The following DSG1 variants were observed in gnomAD, a reference collection of about 807,000 sequenced individuals.
DSG1 encodes desmoglein-1.
In DSG1, 39 loss-of-function variants were observed where a neutral mutation model predicts 97.5. The observed-to-expected ratio is 0.40, with a 90% CI of 0.31 to 0.52. DSG1 has a LOEUF of 0.52. DSG1 is among the 20% of genes least tolerant of loss of function. The pLI is 0.53. For synonymous variants in DSG1, 475 were observed against 443.4 expected (o/e 1.07, Z -0.90); for missense variants, 1,311 against 1,295.4 (o/e 1.01, Z -0.18).
intron 3 of DSG1, 116 bp from the exon 4 acceptor site, chr18:31,328,073 A>G (rs2071697382): frequency 9.6e-7 from 1 of 1,041,888 alleles, no homozygotes; most frequent in Non-Finnish European, 1.4e-6. Flanking sequence ...CTCCATTGAC[A>G]ACATTTCCTA....
chr18:31,336,299 C>T (rs2071751816), intron 8 of DSG1, 55 bp from the exon 9 acceptor site: 2 of 1,522,892 alleles, frequency 1.3e-6, no homozygotes, highest in Non-Finnish European at 1.8e-6. Context: ...GATTTTCTTT[C>T]ACCTGGAACG....
chr18:31,352,335 A>G (rs2071904882), intron 14 of DSG1, among the ~76,000 whole-genome samples: 2 of 151,306 alleles, frequency 1.3e-5, no homozygotes, highest in Non-Finnish European at 2.9e-5. Context: ...CTGCTGAGAG[A>G]TCTGCTGTTA....
chr18:31,357,229 T>G lies in DSG1; in HGVS notation c.*1883T>G, dbSNP rs10502569. 0.094 allele frequency among the ~76,000 whole-genome samples: 14,340 copies of G among 152,052 alleles called. 925 individuals carry two copies. The highest frequency in any genetic ancestry group is 0.19 in the African/African-American group (7,698 of 41,480). ...GCCACAGTATACATCTTCTTTTAAC[T>G]CTGTAGAATATGTAAAATTTTGATA... On this transcript the variant is annotated 3_prime_UTR_variant, in exon 15 of 15. Coordinates refer to ENST00000257192, the MANE Select transcript of DSG1 (RefSeq NM_001942.4).
At chr18:31,342,272 T>C (rs548350170) in intron 11 of DSG1, among the ~76,000 whole-genome samples, 153 of 152,262 alleles carry the variant, frequency 1.0e-3, no homozygotes, top group African/African-American at 3.6e-3. Context: ...CTGGGTACTG[T>C]AGTAAATAAA....
In DSG1 at chr18:31,331,775, A is replaced by G. The variant is rs746709829; in HGVS notation, c.592A>G (p.Ile198Val). 1 of 1,612,966 alleles carries G rather than the reference A, an allele frequency of 6.2e-7. No individual in the cohort carries two copies. Among genetic ancestry groups the G allele is most frequent in the Non-Finnish European group, 8.5e-7 (1 of 1,179,200 alleles). The change falls in exon 6 of 15, where the codon ATT (isoleucine) becomes GTT (valine). Residue 198 changes from isoleucine to valine, a missense_variant. Ile to Val is a conservative substitution (Grantham distance 29). Around this residue, in one of 3 missense-constraint regions of DSG1, gnomAD observed 259 missense variants for 304.1 expected, o/e 0.85. Transcript: ENST00000257192. ...TTTGAACTCAAAAATAGCCTTCAAGATTATAAGACAAGAACCTTCAGATTC... is the reference window on the plus strand; with the variant it reads ...TTTGAACTCAAAAATAGCCTTCAAGGTTATAAGACAAGAACCTTCAGATTC... ...NNLNSKIAFK[I>V]IRQEPSDSPM... is the part of the protein sequence containing the mutation.
chr18:31,325,179 A>T (rs943542148), intron 1 of DSG1, among the ~76,000 whole-genome samples: 5 of 152,136 alleles, frequency 3.3e-5, no homozygotes, highest in African/African-American at 1.2e-4. Context: ...TTAGATTACA[A>T]ATCCAGTTGA....
intron 1 of DSG1, among the ~76,000 whole-genome samples, chr18:31,323,687 A>G (rs2071667542): frequency 6.6e-6 from 1 of 152,036 alleles, no homozygotes; most frequent in African/African-American, 2.4e-5. Context: ...TTTATCACCA[A>G]TGTCTTGAAA....
chr18:31,327,998 T>C (rs1284651007), intron 3 of DSG1, among the ~76,000 whole-genome samples, 191 bp from the exon 4 acceptor site: 1 of 152,188 alleles, frequency 6.6e-6, no homozygotes, highest in Admixed American at 6.5e-5. Flanking sequence ...ATTTCTTTGA[T>C]TACATTGTCA....
chr18:31,319,852 T>C (rs986298059), intron 1 of DSG1, among the ~76,000 whole-genome samples: 1 of 152,124 alleles, frequency 6.6e-6, no homozygotes, highest in Non-Finnish European at 1.5e-5. Context: ...TGTATCATCA[T>C]CAAAATCATA....
intron 1 of DSG1, among the ~76,000 whole-genome samples, chr18:31,325,986 TAA>T (rs1438318759): frequency 2.0e-5 from 3 of 152,062 alleles, no homozygotes; most frequent in Non-Finnish European, 4.4e-5. Context: ...TAACAAATTA[TAA>T]GAGTAATAAC....
intron 9 of DSG1, among the ~76,000 whole-genome samples, chr18:31,337,598 G>A (rs1217795896): frequency 6.6e-6 from 1 of 152,170 alleles, no homozygotes; most frequent in Non-Finnish European, 1.5e-5. Flanking sequence ...TCCTCACATA[G>A]TGTGAGTAGT....
At chr18:31,352,542 C>T (rs1240393377) in intron 14 of DSG1, among the ~76,000 whole-genome samples, 1 of 150,418 alleles carries the variant, frequency 6.6e-6, no homozygotes, top group African/African-American at 2.5e-5. Flanking sequence ...GGAAGTTCTC[C>T]TGGATAATAT....
At position 31,346,691 on chromosome 18, in the gene DSG1, C is replaced by T. The variant is rs1294367187; in HGVS notation, c.2100+493C>T. On this transcript the variant is annotated intron_variant, in intron 14 of 14. Transcript: ENST00000257192. ...CTCCGAAGTTTTTACAGTTAACCCT[C>T]TCATCCAAAATAGGATTAATGTTTT... 2.0e-5 allele frequency among the ~76,000 whole-genome samples: 3 copies of T among 152,296 alleles called. No individual in the cohort carries two copies. In the East Asian group the frequency reaches 5.8e-4, roughly 29 times the overall value.
In DSG1 at chr18:31,354,829, A is replaced by G. The variant is rs1217582572; in HGVS notation, c.2633A>G (p.His878Arg). 1.2e-6 allele frequency: 2 copies of G among 1,614,120 alleles called. No individual in the cohort carries two copies. The highest frequency in any genetic ancestry group is 1.7e-6 in the Non-Finnish European group (2 of 1,180,010). Reference protein sequence around the residue: ...VVGPISGADLHGMLEMPDLRD... With the variant: ...VVGPISGADLRGMLEMPDLRD... ...GGCCCAATCTCTGGCGCTGATTTGC[A>G]TGGAATGTTAGAGATGCCTGACTTG... The change falls in exon 15 of 15, where the codon CAT (histidine) becomes CGT (arginine). Residue 878 changes from histidine (H) to arginine (R), a missense_variant. Physicochemically the swap from His to Arg is conservative, Grantham distance 29 (BLOSUM62 0). Coordinates refer to ENST00000257192, the MANE Select transcript of DSG1 (RefSeq NM_001942.4).
At chr18:31,350,911 A>G (rs1018480731) in intron 14 of DSG1, among the ~76,000 whole-genome samples, 22 of 150,646 alleles carry the variant, frequency 1.5e-4, no homozygotes, top group African/African-American at 5.3e-4. Context: ...GACCCTTTCA[A>G]AAAACCAGTT....
chr18:31,337,166 G>A (rs1283454501), intron 9 of DSG1, among the ~76,000 whole-genome samples: 1 of 152,174 alleles, frequency 6.6e-6, no homozygotes, highest in African/African-American at 2.4e-5. Context: ...ACATGTACCT[G>A]TATTTGCACA....
At chr18:31,333,757 A>T (rs750142736) in intron 7 of DSG1, 34 bp downstream of exon 7, 1 of 1,608,000 alleles carries the variant, frequency 6.2e-7, no homozygotes, top group East Asian at 2.2e-5. Flanking sequence ...ATAAATCTAA[A>T]TTCGCTATAT....
Position 31,355,128 on chromosome 18 carries a change from G to A in DSG1, c.2932G>A (p.Gly978Ser), listed in dbSNP as rs757771928. The change falls in exon 15 of 15, where the codon GGC becomes AGC. Residue 978 changes from glycine to serine, a missense_variant. By Grantham distance (56) the Gly-to-Ser change is moderately conservative. Around this residue, in one of 3 missense-constraint regions of DSG1, gnomAD observed 1,038 missense variants for 964.6 expected, o/e 1.08. Transcript: ENST00000257192. ...GATCAGCGGTGGCATAGGCAGCAGT[G>A]GCCTGGTTGGCACCAGCATGGGTGC... ...TGISGGIGSSGLVGTSMGAGS... is the reference protein window; with the variant it reads ...TGISGGIGSSSLVGTSMGAGS... 24 of 1,613,050 alleles carry A rather than the reference G, an allele frequency of 1.5e-5. No individual in the cohort carries two copies. In the South Asian group the frequency reaches 2.5e-4, roughly 17 times the overall value.
At position 31,355,142 on chromosome 18, in the gene DSG1, C is replaced by T. The variant is rs746367595; in HGVS notation, c.2946C>T (p.Thr982=). 6 of 1,611,610 alleles carry T rather than the reference C, an allele frequency of 3.7e-6. No homozygotes were observed. The African/African-American group carries it at 6.7e-5, about 18-fold the overall frequency. ...GGIGSSGLVG[T]SMGAGSGALS... Reference sequence around the variant, plus strand: ...TAGGCAGCAGTGGCCTGGTTGGCACCAGCATGGGTGCTGGGAGCGGTGCCC... The same window carrying T: ...TAGGCAGCAGTGGCCTGGTTGGCACTAGCATGGGTGCTGGGAGCGGTGCCC... Residue 982 remains threonine (T), a synonymous_variant, in exon 15 of 15, where the codon ACC becomes ACT. Coordinates refer to ENST00000257192, the MANE Select transcript of DSG1 (RefSeq NM_001942.4).
Sources: allele counts gnomAD v4.1 joint callset (sites outside exome capture counted in the v4.1 genomes callset), GRCh38; gene constraint gnomAD v4.1.1; regional missense constraint gnomAD v4.1.1; transcripts MANE v1.5; gene names NCBI Gene and HGNC (gene_info 2026-07-23, HGNC 2026-07-21).